MYO9B: variants seen among roughly 807,000 people sequenced by gnomAD.
The protein encoded by MYO9B is unconventional myosin-IXb.
MYO9B carries 71 observed loss-of-function variants against 229.5 expected under a neutral mutation model. The observed-to-expected ratio is 0.31, with a 90% CI of 0.26 to 0.38. The LOEUF (loss-of-function observed/expected upper bound fraction) is 0.38, where lower values mean the gene tolerates loss of function less well. MYO9B is among the 10% of genes least tolerant of loss of function. The probability of loss-of-function intolerance (pLI) is 1.00; values close to 1 mark genes in which losing one functional copy is unlikely to be tolerated. For synonymous variants in MYO9B, 1,185 were observed against 1,235.8 expected (o/e 0.96, Z 0.86); for missense variants, 2,255 against 2,920.5 (o/e 0.77, Z 5.25).
rs560588164 is a variant in MYO9B at position 17,102,191 on chromosome 19, C to T, written c.474C>T (p.Thr158=). The change falls in exon 2 of 40, where the codon ACC becomes ACT. Residue 158 remains threonine, a synonymous_variant. Transcript: ENST00000682292. ...ACCTGTGTAACCTCCCCGAGCTAAC[C>T]GAGGGCAACCTCCTGAAGAACCTCA... ...FDDLCNLPEL[T]EGNLLKNLKH... is the part of the protein sequence containing the mutation. The T allele has an allele frequency of 7.7e-5, 124 of 1,613,932 alleles. 1 individual carries two copies. In the Middle Eastern group the frequency reaches 8.2e-4, roughly 11 times the overall value.
At chr19:17,086,338 G>A (rs745982878) in intron 1 of MYO9B, among the ~76,000 whole-genome samples, 6 of 152,086 alleles carry the variant, frequency 3.9e-5, no homozygotes, top group East Asian at 1.9e-4. Flanking sequence ...CCCCGCCCTC[G>A]CCTGGGCTGC....
At chr19:17,093,693 TGGGG>T (rs764730738) in intron 1 of MYO9B, among the ~76,000 whole-genome samples, 54,747 of 111,664 alleles carry the variant, frequency 0.49, 11,511 homozygotes, top group African/African-American at 0.61. Context: ...TTGCGGGGGG[TGGGG>T]GGGGGGGTGG....
At chr19:17,188,598 T>C (rs2072946050) in intron 19 of MYO9B, among the ~76,000 whole-genome samples, 1 of 152,148 alleles carries the variant, frequency 6.6e-6, no homozygotes, top group African/African-American at 2.4e-5. Flanking sequence ...ATCCACTGAA[T>C]AGAAATAGTG....
At chr19:17,085,208 C>G (rs113852646) in intron 1 of MYO9B, among the ~76,000 whole-genome samples, 3,566 of 152,218 alleles carry the variant, frequency 0.023, 156 homozygotes, top group African/African-American at 0.082. Flanking sequence ...CCATCCAGTT[C>G]CGCTCTCAGG....
rs2072889671 is a variant in MYO9B at position 17,183,975 on chromosome 19, A to G, written c.2373+107A>G. 9.3e-6 allele frequency: 10 copies of G among 1,078,994 alleles called. No individual in the cohort carries two copies. In the Admixed American group the frequency reaches 1.0e-4, roughly 11 times the overall value. 66.8% of individuals were successfully genotyped at this position (1,078,994 alleles called of 1,614,324 possible). ...ACTTCATTTCCTCCTCCTTCCCACT[A>G]TCTCCCCCTCCCTCCAAGAAAAAAA... On this transcript the variant is annotated intron_variant, in intron 16 of 39. Coordinates refer to ENST00000682292, the MANE Select transcript of MYO9B (RefSeq NM_004145.4).
chr19:17,143,610 GA>G (rs1568271739), intron 2 of MYO9B, among the ~76,000 whole-genome samples: 1 of 152,158 alleles, frequency 6.6e-6, no homozygotes, highest in Non-Finnish European at 1.5e-5. Flanking sequence ...AGGGTGGGAG[GA>G]GGGAGAGGAG....
intron 2 of MYO9B, among the ~76,000 whole-genome samples, chr19:17,118,504 CAG>C (rs2057929342): frequency 6.6e-6 from 1 of 151,480 alleles, no homozygotes; most frequent in African/African-American, 2.4e-5. Flanking sequence ...TTTTTTGAGA[CAG>C]AGTTTCACTC....
intron 1 of MYO9B, among the ~76,000 whole-genome samples, chr19:17,082,515 A>G (rs2057542525): frequency 6.6e-6 from 1 of 152,020 alleles, no homozygotes; most frequent in Non-Finnish European, 1.5e-5. Context: ...CACCTCCTGC[A>G]TCCCATTCCA....
In MYO9B at chr19:17,137,757, T is replaced by G. The variant is rs545139299; in HGVS notation, c.841-7640T>G. Among the ~76,000 whole-genome samples, 13 of 152,152 alleles carry G rather than the reference T, an allele frequency of 8.5e-5. No individual in the cohort carries two copies. In the East Asian group the frequency reaches 2.5e-3, roughly 29 times the overall value. ...CTCCCATGGTCAGATCCTTTTTTTT[T>G]ATTTGAAACAGAGTCTCGCTCTGTC... On this transcript the variant is annotated intron_variant, in intron 2 of 39. Coordinates refer to ENST00000682292, the MANE Select transcript of MYO9B (RefSeq NM_004145.4).
At chr19:17,128,659 G>A (rs1307798373) in intron 2 of MYO9B, among the ~76,000 whole-genome samples, 1 of 152,222 alleles carries the variant, frequency 6.6e-6, no homozygotes, top group Non-Finnish European at 1.5e-5. Context: ...CTCTCGTCTG[G>A]GTCTGACTGC....
intron 2 of MYO9B, among the ~76,000 whole-genome samples, chr19:17,139,792 A>C (rs755946261): frequency 6.6e-6 from 1 of 152,178 alleles, no homozygotes; most frequent in Non-Finnish European, 1.5e-5. Context: ...CTGTGATCTC[A>C]GCACTTTGGG....
chr19:17,160,828 C>G lies in MYO9B; in HGVS notation c.1419+1344C>G, dbSNP rs1376582925. Among the ~76,000 whole-genome samples the G allele has an allele frequency of 2.6e-5, 4 of 152,054 alleles. No individual in the cohort carries two copies. The South Asian group carries it at 6.2e-4, about 24-fold the overall frequency. On this transcript the variant is annotated intron_variant, in intron 8 of 39. Coordinates refer to ENST00000682292, the MANE Select transcript of MYO9B (RefSeq NM_004145.4). Reference sequence around the variant, plus strand: ...AATTCTCCTGCCTCAGCCTCCTGAGCAGCTGGGATTACAGGCATGTGCCAC... The same window carrying G: ...AATTCTCCTGCCTCAGCCTCCTGAGGAGCTGGGATTACAGGCATGTGCCAC...
At chr19:17,141,459 G>C (rs530888187) in intron 2 of MYO9B, among the ~76,000 whole-genome samples, 3 of 152,134 alleles carry the variant, frequency 2.0e-5, no homozygotes, top group Non-Finnish European at 2.9e-5. Context: ...CAAACCTAGC[G>C]GTCACAAGGA....
At chr19:17,119,369 G>A (rs1288608086) in intron 2 of MYO9B, among the ~76,000 whole-genome samples, 1 of 152,158 alleles carries the variant, frequency 6.6e-6, no homozygotes, top group Non-Finnish European at 1.5e-5. Context: ...TCTCTTCAGC[G>A]ACCCTGTGTT....
intron 2 of MYO9B, among the ~76,000 whole-genome samples, chr19:17,125,309 C>CCGCCG (rs879861138): frequency 1.1e-4 from 13 of 120,928 alleles, no homozygotes; most frequent in African/African-American, 4.4e-4. Context: ...CCCCCCCCCC[C>CCGCCG]AAAAAAAGGG....
intron 33 of MYO9B, 52 bp from the exon 34 acceptor site, chr19:17,206,627 G>A: frequency 6.8e-7 from 1 of 1,480,428 alleles, no homozygotes; most frequent in Non-Finnish European, 9.2e-7. Context: ...GGGGACAACA[G>A]GCACCTTGGG....
chr19:17,197,654 C>G (rs947036490), intron 22 of MYO9B, 138 bp from the exon 23 acceptor site: 130 of 969,204 alleles, frequency 1.3e-4, no homozygotes, highest in Non-Finnish European at 2.0e-4. Context: ...TGGTGACAAC[C>G]AAAACTGTCT....
At position 17,206,148 on chromosome 19, in the gene MYO9B, G is replaced by C. The variant is rs1305028536; in HGVS notation, c.5253G>C (p.Gln1751His). Residue 1751 changes from glutamine to histidine, a missense_variant, in exon 32 of 40, where the codon CAG becomes CAC. This residue lies in a region of MYO9B where 416 missense variants were observed against 605.5 expected (regional missense o/e 0.69). Transcript: ENST00000682292. The stretch of plus-strand genomic sequence containing the variant: ...CTCGGGAGCTCCGGCAGGCGCTGCA[G>C]ACAGGTGGGCGCTGTGGGCAGGTGG... ...NRTRELRQAL[Q>H]TDPAAVKLEN... is the part of the protein sequence containing the mutation. 6.2e-7 allele frequency: 1 copy of C among 1,607,424 alleles called. No individual in the cohort carries two copies. The highest frequency in any genetic ancestry group is 1.7e-5 in the Admixed American group (1 of 59,760).
At chr19:17,128,926 G>A (rs954304791) in intron 2 of MYO9B, among the ~76,000 whole-genome samples, 4 of 152,156 alleles carry the variant, frequency 2.6e-5, no homozygotes, top group Non-Finnish European at 4.4e-5. Flanking sequence ...GTGGTGGCTC[G>A]ATATTTGCAG....
Sources: allele counts gnomAD v4.1 joint callset (sites outside exome capture counted in the v4.1 genomes callset), GRCh38; gene constraint gnomAD v4.1.1; regional missense constraint gnomAD v4.1.1; transcripts MANE v1.5; gene names NCBI Gene and HGNC (gene_info 2026-07-23, HGNC 2026-07-21).